Variants in DNAJC6 observed in about 807,000 individuals in gnomAD.
DNAJC6 encodes DnaJ heat shock protein family (Hsp40) member C6, also known as auxilin.
Under a neutral mutation model 110.0 loss-of-function variants are expected in DNAJC6, and 34 were observed. That is an observed-to-expected ratio of 0.31 (90% confidence interval 0.24 to 0.41). DNAJC6 has a LOEUF of 0.41. DNAJC6 is among the 10% of genes least tolerant of loss of function. DNAJC6 has a pLI of 1.00. For synonymous variants in DNAJC6, 406 were observed against 437.2 expected, an observed-to-expected ratio of 0.93 and a Z score of 0.89; for missense variants, 1,031 against 1,207.8, an observed-to-expected ratio of 0.85 and a Z score of 2.17.
At chr1:65,344,269 A>G (rs891725300) in intron 1 of DNAJC6, among the ~76,000 whole-genome samples, 1 of 152,206 alleles carries the variant, frequency 6.6e-6, no homozygotes, top group Non-Finnish European at 1.5e-5. Flanking sequence ...TAGGATGATG[A>G]TAATGCCTAC....
chr1:65,264,823 C>T, exon 1 of DNAJC6: 12 of 1,579,600 alleles, frequency 7.6e-6, no homozygotes, highest in South Asian at 1.2e-5. Context: ...CCCCCGAGAC[C>T]GCTGACTGTG....
intron 1 of DNAJC6, among the ~76,000 whole-genome samples, chr1:65,280,565 C>T (rs1056840710): frequency 3.3e-5 from 5 of 152,140 alleles, no homozygotes; most frequent in Non-Finnish European, 7.3e-5. Context: ...CAAAAGGACT[C>T]CTCCCTCCAT....
intron 1 of DNAJC6, among the ~76,000 whole-genome samples, chr1:65,287,753 G>A (rs1448094580): frequency 6.6e-6 from 1 of 152,052 alleles, no homozygotes; most frequent in Non-Finnish European, 1.5e-5. Flanking sequence ...ACAGGTGCAT[G>A]CTACCATACC....
chr1:65,291,745 A>T (rs542276783), intron 1 of DNAJC6, among the ~76,000 whole-genome samples: 1 of 152,318 alleles, frequency 6.6e-6, no homozygotes, highest in East Asian at 1.9e-4. Flanking sequence ...TCATTCATAA[A>T]GCAATTCTAC....
At chr1:65,291,022 C>T (rs2101227184) in intron 1 of DNAJC6, among the ~76,000 whole-genome samples, 1 of 152,276 alleles carries the variant, frequency 6.6e-6, no homozygotes. Flanking sequence ...CAAAATGTTT[C>T]AAATTATTGA....
At chr1:65,280,959 A>G (rs1653824905) in intron 1 of DNAJC6, among the ~76,000 whole-genome samples, 1 of 152,170 alleles carries the variant, frequency 6.6e-6, no homozygotes, top group Admixed American at 6.5e-5. Context: ...TTTTTTAGAC[A>G]GGGTCATGCT....
At chr1:65,380,771 G>A (rs1570352087) in intron 5 of DNAJC6, among the ~76,000 whole-genome samples, 2 of 152,138 alleles carry the variant, frequency 1.3e-5, no homozygotes, top group East Asian at 3.9e-4. Context: ...GAAAAAAGAA[G>A]AGGCAAACAA....
At position 65,392,417 on chromosome 1, in the gene DNAJC6, C is replaced by A; in HGVS notation, c.1469-14C>A. On this transcript the variant is annotated splice_polypyrimidine_tract_variant and intron_variant, in intron 11 of 18. Transcript: ENST00000371069. ...TCAGCAACTAATCTCTTATGGTATA[C>A]TGGCCTTCCTCAGATCAGAAATCGG... 6.4e-7 allele frequency: 1 copy of A among 1,574,776 alleles called. No individual in the cohort carries two copies. The highest frequency in any genetic ancestry group is 1.8e-4 in the Middle Eastern group (1 of 5,618).
chr1:65,351,925 C>T lies in DNAJC6; in HGVS notation c.194-12710C>T, dbSNP rs12067793. On this transcript the variant is annotated intron_variant, in intron 1 of 18. Transcript: ENST00000371069. ...GATTACAGGCGTCCACCACCATGCC[C>T]GGCTAATTTTTTGTGTTTTTAGTAG... Among the ~76,000 whole-genome samples the T allele has an allele frequency of 5.9e-3, 896 of 152,086 alleles. 7 individuals carry two copies. The highest frequency in any genetic ancestry group is 0.021 in the African/African-American group (852 of 41,488).
Position 65,366,129 on chromosome 1 carries a change from A to T in DNAJC6, c.476A>T (p.His159Leu), listed in dbSNP as rs752900245. 6.2e-7 allele frequency: 1 copy of T among 1,613,924 alleles called. No homozygotes were observed. Among genetic ancestry groups the T allele is most frequent in the Non-Finnish European group, 8.5e-7 (1 of 1,179,832 alleles). ...ATTCGAAGCTTTTTGGATTCCAGAC[A>T]TCTTGACCACTACACAGTATACAAT... ...DDIRSFLDSR[H>L]LDHYTVYNLS... The change falls in exon 4 of 19, where the codon CAT (histidine) becomes CTT (leucine). Residue 159 changes from histidine to leucine, a missense_variant. Transcript: ENST00000371069.
chr1:65,380,927 T>TG (rs1417389231), intron 5 of DNAJC6, among the ~76,000 whole-genome samples: 5 of 138,170 alleles, frequency 3.6e-5, no homozygotes, highest in South Asian at 2.4e-4. Flanking sequence ...TTTTGTTTTT[T>TG]TTTTTTTTTT....
intron 1 of DNAJC6, among the ~76,000 whole-genome samples, chr1:65,332,949 T>C (rs1190816175): frequency 6.6e-6 from 1 of 152,216 alleles, no homozygotes; most frequent in Non-Finnish European, 1.5e-5. Flanking sequence ...GATGTTCTGT[T>C]GGCAGAGGAG....
At chr1:65,336,192 T>C (rs12085917) in intron 1 of DNAJC6, among the ~76,000 whole-genome samples, 1,782 of 152,184 alleles carry the variant, frequency 0.012, 17 homozygotes, top group African/African-American at 0.02. Flanking sequence ...GAAGCAAACA[T>C]ATCCTTCTTC....
intron 1 of DNAJC6, among the ~76,000 whole-genome samples, chr1:65,344,000 C>T (rs1645413367): frequency 1.3e-5 from 2 of 152,178 alleles, no homozygotes; most frequent in South Asian, 4.1e-4. Context: ...TGGTTTCAGA[C>T]ATCGACTGCA....
At chr1:65,398,445 G>A (rs1645999595) in intron 13 of DNAJC6, among the ~76,000 whole-genome samples, 1 of 152,000 alleles carries the variant, frequency 6.6e-6, no homozygotes, top group Admixed American at 6.6e-5. Flanking sequence ...AAATTTAGAG[G>A]TGGGACACAC....
chr1:65,292,050 C>T (rs969381253), intron 1 of DNAJC6, among the ~76,000 whole-genome samples: 6 of 151,942 alleles, frequency 3.9e-5, no homozygotes, highest in Non-Finnish European at 8.8e-5. Flanking sequence ...GAGTTTCGCT[C>T]TTGTTGCCCA....
At chr1:65,314,882 C>T (rs35720507) in intron 1 of DNAJC6, among the ~76,000 whole-genome samples, 3 of 152,226 alleles carry the variant, frequency 2.0e-5, no homozygotes, top group Non-Finnish European at 4.4e-5. Context: ...GAATAAGATA[C>T]GTCAATTTAA....
chr1:65,366,054 C>A lies in DNAJC6; in HGVS notation c.401C>A (p.Ser134Tyr). 1 of 1,613,798 alleles carries A rather than the reference C, an allele frequency of 6.2e-7. No individual in the cohort carries two copies. The highest frequency in any genetic ancestry group is 8.5e-7 in the Non-Finnish European group (1 of 1,179,776). ...TGTGTGATCTCTCTCCTAGTGATGT[C>A]CTTTCCTCTGGACAATGTTGACATA... is the stretch of plus-strand genomic sequence containing the variant. ...TYVTSRIIVM[S>Y]FPLDNVDIGF... Residue 134 changes from serine (S) to tyrosine (Y), a missense_variant, in exon 4 of 19, where the codon TCC (serine) becomes TAC (tyrosine). Transcript: ENST00000371069.
At chr1:65,298,911 G>A (rs1045177406) in intron 1 of DNAJC6, 5 of 152,226 alleles carry the variant, frequency 3.3e-5, no homozygotes, top group African/African-American at 1.2e-4. Flanking sequence ...CCAACAATAT[G>A]AAATGACAGA....
Sources: gnomAD v4.1 joint callset for allele counts (sites outside exome capture counted in the v4.1 genomes callset) on GRCh38, gnomAD v4.1.1 for gene constraint, MANE v1.5 for transcripts, NCBI Gene and HGNC (gene_info 2026-07-23, HGNC 2026-07-21) for gene names.